MYOM3: variants seen among roughly 807,000 people sequenced by gnomAD.
MYOM3 encodes the protein myomesin 3, also known as myomesin-3.
Under a neutral mutation model 191.7 loss-of-function variants are expected in MYOM3, and 155 were observed. That is an observed-to-expected ratio of 0.81 (90% confidence interval 0.71 to 0.92). MYOM3 has a LOEUF of 0.92. Among genes scored for constraint, MYOM3 ranks in the 40% least tolerant of loss-of-function variants. MYOM3 has a pLI of 0.00. For missense variants in MYOM3, 1,889 were observed against 1,890.6 expected (o/e 1.00, Z 0.02); for synonymous variants, 757 against 762.9 (o/e 0.99, Z 0.13).
At chr1:24,102,867 T>C (rs1299011284) in intron 5 of MYOM3, among the ~76,000 whole-genome samples, 1 of 152,144 alleles carries the variant, frequency 6.6e-6, no homozygotes, top group African/African-American at 2.4e-5. Context: ...ATGATAATCA[T>C]TGAATGAATA....
intron 15 of MYOM3, 58 bp from the exon 16 acceptor site, chr1:24,084,697 T>C (rs1643714971): frequency 6.7e-7 from 1 of 1,501,514 alleles, no homozygotes; most frequent in South Asian, 1.3e-5. Context: ...TCTGACAGGC[T>C]GGGGAAGGGG....
In MYOM3 at chr1:24,081,402, A is replaced by G. The variant is rs1461737973; in HGVS notation, c.2335T>C (p.Trp779Arg). 1 of 1,614,184 alleles carries G rather than the reference A, an allele frequency of 6.2e-7. No homozygotes were observed. Among genetic ancestry groups the G allele is most frequent in the Non-Finnish European group, 8.5e-7 (1 of 1,180,012 alleles). ...GCCGACAGCTCGCCAACACCTGCCCAGTTGGCAGCCCGGGCACGGAACTCA... is the reference window on the plus strand; with the variant it reads ...GCCGACAGCTCGCCAACACCTGCCCGGTTGGCAGCCCGGGCACGGAACTCA... ...FYEFRARAAN[W>R]AGVGELSAPS... Residue 779 changes from tryptophan to arginine, a missense_variant, in exon 19 of 37, where the codon TGG (tryptophan) becomes CGG (arginine). Trp to Arg is a moderately radical substitution (Grantham distance 101, BLOSUM62 -3). Coordinates refer to ENST00000374434, the MANE Select transcript of MYOM3 (RefSeq NM_152372.4).
chr1:24,068,184 G>A (rs773659418), intron 26 of MYOM3, 39 bp downstream of exon 26: 13 of 1,596,790 alleles, frequency 8.1e-6, no homozygotes, highest in Admixed American at 1.7e-5. Context: ...GGGGCAGGGC[G>A]GGGCAGGGCT....
chr1:24,084,225 GTGTAGCA>G (rs1488478824), intron 16 of MYOM3: 2 of 492,456 alleles, frequency 4.1e-6, no homozygotes, highest in Non-Finnish European at 7.4e-6. Context: ...GTTTGGAAGT[GTGTAGCA>G]CTTCCTGCTT....
chr1:24,067,866 C>A (rs1448510125), intron 27 of MYOM3, 104 bp downstream of exon 27: 7 of 1,121,618 alleles, frequency 6.2e-6, no homozygotes, highest in Non-Finnish European at 8.1e-6. Flanking sequence ...AGTGGACCTC[C>A]CTTGGGGACC....
intron 20 of MYOM3, among the ~76,000 whole-genome samples, chr1:24,077,705 T>C (rs1293380469): frequency 6.6e-6 from 1 of 152,234 alleles, no homozygotes; most frequent in African/African-American, 2.4e-5. Context: ...TAGGAATTGG[T>C]CCAGGCCTGG....
At position 24,089,558 on chromosome 1, in the gene MYOM3, G is replaced by A; in HGVS notation, c.1594C>T (p.Leu532=). ...CCTACCTTCTCCAGGGAGTACGTCA[G>A]TGGTGCTCTGTCCCGGGGGCTGGGC... The part of the protein sequence containing the change: ...EEPSPRDRAP[L]TYSLEKSVIG... The change falls in exon 14 of 37, where the codon CTG becomes TTG. Residue 532 remains leucine (L), a synonymous_variant. Coordinates refer to ENST00000374434, the MANE Select transcript of MYOM3 (RefSeq NM_152372.4). The A allele has an allele frequency of 6.2e-7, 1 of 1,602,448 alleles. No homozygotes were observed. The highest frequency in any genetic ancestry group is 2.3e-5 in the East Asian group (1 of 44,336).
intron 26 of MYOM3, 50 bp downstream of exon 26, chr1:24,068,173 C>A (rs779838013): frequency 2.3e-6 from 2 of 862,808 alleles, no homozygotes; most frequent in African/African-American, 2.5e-5. Context: ...GCCAGGTGTG[C>A]GGGGCAGGGC....
At chr1:24,074,348 C>T in intron 22 of MYOM3, 79 bp from the exon 23 acceptor site, 1 of 1,107,012 alleles carries the variant, frequency 9.0e-7, no homozygotes, top group South Asian at 1.4e-5. Flanking sequence ...CCAGGGAGTC[C>T]AGGTTGCTTC....
At chr1:24,070,090 C>A (rs1643507341) in intron 25 of MYOM3, among the ~76,000 whole-genome samples, 1 of 152,006 alleles carries the variant, frequency 6.6e-6, no homozygotes. Flanking sequence ...ATATGATTTA[C>A]AAAATAATAT....
At position 24,084,502 on chromosome 1, in the gene MYOM3, G is replaced by T. The variant is rs1358525745; in HGVS notation, c.1936C>A (p.Gln646Lys). The T allele has an allele frequency of 6.2e-7, 1 of 1,614,174 alleles. No homozygotes were observed. Among genetic ancestry groups the T allele is most frequent in the African/African-American group, 1.3e-5 (1 of 75,036 alleles). ...YSRKVGTSEW[Q>K]TVNNKPIQGT... is the part of the protein sequence containing the mutation. The stretch of plus-strand genomic sequence containing the variant: ...TGGATGGGTTTGTTGTTAACTGTTT[G>T]CCACTCAGATGTCCCCACCTTCCGG... Residue 646 changes from glutamine to lysine, a missense_variant, in exon 16 of 37, where the codon CAA becomes AAA. By Grantham distance (53) the Gln-to-Lys change is moderately conservative. Coordinates refer to ENST00000374434, the MANE Select transcript of MYOM3 (RefSeq NM_152372.4).
intron 15 of MYOM3, among the ~76,000 whole-genome samples, chr1:24,086,377 T>C (rs1337086801): frequency 6.6e-6 from 1 of 152,052 alleles, no homozygotes; most frequent in Non-Finnish European, 1.5e-5. Flanking sequence ...ACAGCTGCTG[T>C]GCAGGGCCCA....
Position 24,089,619 on chromosome 1 carries a change from C to A in MYOM3, c.1533G>T (p.Glu511Asp). 1 of 1,594,826 alleles carries A rather than the reference C, an allele frequency of 6.3e-7. No homozygotes were observed. Among genetic ancestry groups the A allele is most frequent in the Admixed American group, 1.8e-5 (1 of 56,668 alleles). ...CCAGAACCACATAGGCCTCTCGGAT[C>A]TCGCTGGCATGGACATTGGTTGGCG... is the stretch of plus-strand genomic sequence containing the variant. ...PSPPTNVHAS[E>D]IREAYVVLAW... Residue 511 changes from glutamate to aspartate, a missense_variant, in exon 14 of 37, where the codon GAG becomes GAT. Coordinates refer to ENST00000374434, the MANE Select transcript of MYOM3 (RefSeq NM_152372.4).
chr1:24,076,400 A>G (rs948362740), intron 20 of MYOM3, 127 bp from the exon 21 acceptor site: 41 of 655,848 alleles, frequency 6.3e-5, no homozygotes, highest in Non-Finnish European at 9.6e-5. Context: ...TCATCTTTCC[A>G]TGTGACAAAG....
rs1215033661 is a variant in MYOM3, at chr1:24,092,191, A to G, written c.1215T>C (p.Thr405=). ...PPSDTRGNPI[T]AYTIERCQGE... ...CGACTCACCGCTCAATGGTGTAGGC[A>G]GTGATGGGGTTGCCCCGGGTGTCAC... is the stretch of plus-strand genomic sequence containing the variant. The change falls in exon 11 of 37, where the codon ACT becomes ACC. Residue 405 remains threonine, a synonymous_variant. Transcript: ENST00000374434. 2.7e-6 allele frequency: 4 copies of G among 1,463,074 alleles called. No individual in the cohort carries two copies. In the East Asian group the frequency reaches 8.1e-5, roughly 30 times the overall value. The allele number at this position is 1,463,074 out of a possible 1,614,324, so 90.6% of individuals were successfully genotyped here.
At chr1:24,101,852 G>A (rs1367005746) in intron 5 of MYOM3, among the ~76,000 whole-genome samples, 1 of 152,176 alleles carries the variant, frequency 6.6e-6, no homozygotes. Flanking sequence ...GTGAACTTGG[G>A]TCTTGTTCCC....
chr1:24,062,154 G>A, intron 32 of MYOM3, 45 bp from the exon 33 acceptor site: 1 of 1,605,916 alleles, frequency 6.2e-7, no homozygotes, highest in South Asian at 1.1e-5. Context: ...CTGTCTGCAG[G>A]TCAACAGATA....
At chr1:24,062,681 C>T (rs959182163) in intron 32 of MYOM3, among the ~76,000 whole-genome samples, 1 of 152,148 alleles carries the variant, frequency 6.6e-6, no homozygotes, top group African/African-American at 2.4e-5. Context: ...AGACCCTTTT[C>T]CTGCATGTTT....
intron 15 of MYOM3, among the ~76,000 whole-genome samples, 191 bp from the exon 16 acceptor site, chr1:24,084,830 C>T (rs1445350588): frequency 6.6e-6 from 1 of 152,130 alleles, no homozygotes; most frequent in Non-Finnish European, 1.5e-5. Flanking sequence ...GTCCTCTCTC[C>T]CCTTACCTCT....
Sources: gnomAD v4.1 joint callset for allele counts (sites outside exome capture counted in the v4.1 genomes callset) on GRCh38, gnomAD v4.1.1 for gene constraint, MANE v1.5 for transcripts, NCBI Gene and HGNC (gene_info 2026-07-23, HGNC 2026-07-21) for gene names.